MAF: variants seen among roughly 807,000 people sequenced by gnomAD.
MAF encodes the protein transcription factor Maf.
In MAF, 10 loss-of-function variants were observed where a neutral mutation model predicts 22.0. That is an observed-to-expected ratio of 0.45 (90% CI 0.28 to 0.77). The LOEUF (loss-of-function observed/expected upper bound fraction) is 0.77. Among genes scored for constraint, MAF ranks in the 30% least tolerant of loss-of-function variants. The pLI is 0.12. For missense variants in MAF, 544 were observed against 548.4 expected (o/e 0.99, Z 0.08); for synonymous variants, 337 against 255.8 (o/e 1.32, Z -3.03).
the MAF span, among the ~76,000 whole-genome samples, chr16:79,487,141 C>T: frequency 2.0e-3 from 305 of 151,622 alleles, 3 homozygotes; most frequent in African/African-American, 7.1e-3. Context: ...GTAAGTAGGA[C>T]CCATTCAGTT....
chr16:79,439,409 C>T, the MAF span, among the ~76,000 whole-genome samples: 1 of 151,572 alleles, frequency 6.6e-6, no homozygotes, highest in African/African-American at 2.4e-5. Flanking sequence ...CCACAGGCGC[C>T]CGTCACCATG....
chr16:79,556,427 G>A, the MAF span, among the ~76,000 whole-genome samples: 3 of 152,182 alleles, frequency 2.0e-5, no homozygotes, highest in Non-Finnish European at 4.4e-5. Context: ...AAAGAGAGTT[G>A]TATTGGGTTT....
At chr16:79,392,088 G>T in the MAF span, among the ~76,000 whole-genome samples, 1 of 149,384 alleles carries the variant, frequency 6.7e-6, no homozygotes, top group East Asian at 2.0e-4. Flanking sequence ...TGCAGAGAAA[G>T]AAAAGAGAAA....
the MAF span, among the ~76,000 whole-genome samples, chr16:79,519,783 T>C: frequency 5.3e-5 from 8 of 152,272 alleles, no homozygotes; most frequent in Non-Finnish European, 1.2e-4. Flanking sequence ...CTCTGAACCC[T>C]GTGTTCACAG....
chr16:79,414,139 G>C, the MAF span, among the ~76,000 whole-genome samples: 1 of 152,144 alleles, frequency 6.6e-6, no homozygotes, highest in African/African-American at 2.4e-5. Flanking sequence ...ACAAACATTG[G>C]CTGAGCTCTT....
the MAF span, among the ~76,000 whole-genome samples, chr16:79,472,239 A>G: frequency 1.3e-5 from 2 of 152,210 alleles, no homozygotes; most frequent in African/African-American, 2.4e-5. Flanking sequence ...ACAAAATGCC[A>G]TTAGAGACCC....
chr16:79,541,994 T>C, the MAF span, among the ~76,000 whole-genome samples: 1 of 152,084 alleles, frequency 6.6e-6, no homozygotes, highest in Non-Finnish European at 1.5e-5. Context: ...CAGGTTCAGA[T>C]TGTGGCATTT....
chr16:79,416,888 G>C, the MAF span, among the ~76,000 whole-genome samples: 1,418 of 152,264 alleles, frequency 9.3e-3, 20 homozygotes, highest in African/African-American at 0.032. Flanking sequence ...ATGGTAGACA[G>C]CCTTTTGTTT....
the MAF span, among the ~76,000 whole-genome samples, chr16:79,570,230 A>G: frequency 6.6e-6 from 1 of 152,034 alleles, no homozygotes; most frequent in Non-Finnish European, 1.5e-5. Flanking sequence ...AACACTACCT[A>G]AGCATCCTTC....
At chr16:79,564,696 C>T in the MAF span, among the ~76,000 whole-genome samples, 3 of 152,180 alleles carry the variant, frequency 2.0e-5, no homozygotes, top group Non-Finnish European at 4.4e-5. Flanking sequence ...CAGGTCTGCC[C>T]AGACAGTGTG....
chr16:79,429,784 T>C, the MAF span, among the ~76,000 whole-genome samples: 5 of 152,324 alleles, frequency 3.3e-5, no homozygotes, highest in East Asian at 7.7e-4. Context: ...AGACAGTTTA[T>C]TGGACCTGTG....
At chr16:79,367,406 G>C in the MAF span, among the ~76,000 whole-genome samples, 2 of 152,284 alleles carry the variant, frequency 1.3e-5, no homozygotes, top group African/African-American at 4.8e-5. Context: ...AAGCAAGAAA[G>C]CAGAAAGACA....
the MAF span, among the ~76,000 whole-genome samples, chr16:79,580,679 A>G: frequency 6.6e-6 from 1 of 151,958 alleles, no homozygotes; most frequent in Non-Finnish European, 1.5e-5. Context: ...CCCCATCACA[A>G]ATTCTTTCTC....
the MAF span, among the ~76,000 whole-genome samples, chr16:79,573,835 G>A: frequency 6.6e-6 from 1 of 152,170 alleles, no homozygotes; most frequent in Non-Finnish European, 1.5e-5. Flanking sequence ...GTCAGGCTAG[G>A]GGTCTTTTGA....
chr16:79,384,639 C>A, the MAF span, among the ~76,000 whole-genome samples: 448 of 151,934 alleles, frequency 2.9e-3, 3 homozygotes, highest in Middle Eastern at 0.024. Context: ...CGCCTGTAGT[C>A]CCAGCTACTC....
the MAF span, among the ~76,000 whole-genome samples, chr16:79,484,376 C>A: frequency 6.6e-6 from 1 of 152,180 alleles, no homozygotes; most frequent in Admixed American, 6.5e-5. Context: ...TGACCCAGGC[C>A]ATGGTGGCCG....
the MAF span, among the ~76,000 whole-genome samples, chr16:79,570,154 G>A: frequency 2.6e-5 from 4 of 151,786 alleles, no homozygotes; most frequent in African/African-American, 9.7e-5. Context: ...TTTTCATGCT[G>A]TTGGACATAT....
the MAF span, among the ~76,000 whole-genome samples, chr16:79,571,554 T>TTTTA: frequency 2.9e-5 from 4 of 139,786 alleles, no homozygotes; most frequent in Non-Finnish European, 4.6e-5. Flanking sequence ...TTTTTTTTTT[T>TTTTA]ACAAATGCAC....
chr16:79,264,273 G>T, the MAF span, among the ~76,000 whole-genome samples: 1 of 152,188 alleles, frequency 6.6e-6, no homozygotes, highest in Admixed American at 6.5e-5. Context: ...TTGGACAGTT[G>T]TAAGGGAACT....
Sources: allele counts gnomAD v4.1 joint callset (sites outside exome capture counted in the v4.1 genomes callset), GRCh38; gene constraint gnomAD v4.1.1; transcripts MANE v1.5; gene names NCBI Gene and HGNC (gene_info 2026-07-23, HGNC 2026-07-21).